LMOD2: variants seen among roughly 807,000 people sequenced by gnomAD.
The protein encoded by LMOD2 is leiomodin 2, also known as leiomodin-2.
A neutral mutation model predicts 41.7 loss-of-function variants in LMOD2; 27 were observed. The ratio of observed to expected loss-of-function variants is 0.65; its 90% CI spans 0.48 to 0.89. The LOEUF is 0.89. LMOD2 is among the 40% of genes least tolerant of loss of function. The pLI is 0.00. For synonymous variants in LMOD2, 251 were observed against 244.6 expected, an observed-to-expected ratio of 1.03 and a Z score of -0.25; for missense variants, 624 against 667.9, an observed-to-expected ratio of 0.93 and a Z score of 0.72.
At chr7:123,659,287 G>T (rs191085587) in intron 1 of LMOD2, among the ~76,000 whole-genome samples, 1 of 152,252 alleles carries the variant, frequency 6.6e-6, no homozygotes, top group Admixed American at 6.5e-5. Flanking sequence ...AAGAATCAGG[G>T]TTAATGCCAA....
intron 1 of LMOD2, among the ~76,000 whole-genome samples, chr7:123,659,365 C>G (rs1051779970): frequency 6.6e-6 from 1 of 152,118 alleles, no homozygotes; most frequent in African/African-American, 2.4e-5. Flanking sequence ...ATAAAGTAAG[C>G]GAAGTCTGTT....
chr7:123,656,662 C>T (rs761619902), intron 1 of LMOD2, among the ~76,000 whole-genome samples: 12 of 152,040 alleles, frequency 7.9e-5, no homozygotes, highest in Non-Finnish European at 1.2e-4. Context: ...AAAGTGGGAA[C>T]GCTGGTTGCT....
At position 123,661,982 on chromosome 7, in the gene LMOD2, A is replaced by G. The variant is rs374070376; in HGVS notation, c.396A>G (p.Glu132=). Residue 132 remains glutamate, a synonymous_variant, in exon 2 of 3, where the codon GAA becomes GAG. Transcript: ENST00000458573. The part of the protein sequence containing the change: ...EEESQEEEEE[E]DSDEEERTIE... ...AGTCCCAGGAGGAAGAGGAGGAAGA[A>G]GACAGTGACGAAGAGGAAAGAACAA... The G allele has an allele frequency of 6.4e-7, 1 of 1,560,370 alleles. No individual in the cohort carries two copies. The highest frequency in any genetic ancestry group is 1.2e-5 in the South Asian group (1 of 84,652).
In LMOD2 at chr7:123,662,700, G is replaced by A. The variant is rs1355527032; in HGVS notation, c.1114G>A (p.Gly372Arg). 6.2e-7 allele frequency: 1 copy of A among 1,613,862 alleles called. No homozygotes were observed. ...AAAACAGCAGGAGGGATACGATGGA[G>A]GACCCAATCTTAGGACCAAAGTCTG... Reference protein sequence around the residue: ...EQKQQEGYDGGPNLRTKVWQR... With the variant: ...EQKQQEGYDGRPNLRTKVWQR... The change falls in exon 2 of 3, where the codon GGA becomes AGA. Residue 372 changes from glycine (G) to arginine (R), a missense_variant. Coordinates refer to ENST00000458573, the MANE Select transcript of LMOD2 (RefSeq NM_207163.3). The surrounding 1 kb of genome is among the most constrained non-coding windows in gnomAD (Gnocchi z 4.0).
At chr7:123,657,811 C>CAAAAAAAAA (rs1009900124) in intron 1 of LMOD2, among the ~76,000 whole-genome samples, 5 of 36,004 alleles carry the variant, frequency 1.4e-4, no homozygotes, top group African/African-American at 6.3e-4. Context: ...CTCATCTCTA[C>CAAAAAAAAA]AAAAAAAAAA....
intron 2 of LMOD2, 85 bp from the exon 3 acceptor site, chr7:123,663,634 G>A: frequency 5.2e-6 from 6 of 1,144,522 alleles, no homozygotes; most frequent in Non-Finnish European, 7.7e-6. Context: ...TCTTCTCAGA[G>A]GATACTGCTA....
intron 1 of LMOD2, among the ~76,000 whole-genome samples, chr7:123,660,576 C>T (rs1160784636): frequency 3.8e-5 from 5 of 131,678 alleles, no homozygotes; most frequent in South Asian, 6.4e-4. Context: ...AGGCAGCGGG[C>T]GCCCTCGAGG....
chr7:123,659,694 C>T (rs893003766), intron 1 of LMOD2, among the ~76,000 whole-genome samples: 15 of 152,186 alleles, frequency 9.9e-5, no homozygotes, highest in Non-Finnish European at 1.2e-4. Flanking sequence ...CTGCTCTCAA[C>T]AGCTAACAGT....
Position 123,663,212 on chromosome 7 carries a change from C to T in LMOD2, c.1617+9C>T, listed in dbSNP as rs200393167. On this transcript the variant is annotated intron_variant, in intron 2 of 2. Coordinates refer to ENST00000458573, the MANE Select transcript of LMOD2 (RefSeq NM_207163.3). ...TAAAACAGCTAAAGCGGGTAAGTAA[C>T]CAGAGAACAGACATAGGGGCACAGA... The T allele has an allele frequency of 3.4e-5, 53 of 1,558,436 alleles. No homozygotes were observed. The African/African-American group carries it at 6.7e-4, about 20-fold the overall frequency.
chr7:123,656,248 G>C lies in LMOD2; in HGVS notation c.273+12G>C. 6.3e-7 allele frequency: 1 copy of C among 1,594,858 alleles called. No homozygotes were observed. On this transcript the variant is annotated intron_variant, in intron 1 of 2. Coordinates refer to ENST00000458573, the MANE Select transcript of LMOD2 (RefSeq NM_207163.3). Reference sequence around the variant, plus strand: ...GGGAATGTGGAAAGGTAGGCTCTCGGGACTTTTCCTTGGCTAACCCCACCT... The same window carrying C: ...GGGAATGTGGAAAGGTAGGCTCTCGCGACTTTTCCTTGGCTAACCCCACCT...
Position 123,656,092 on chromosome 7 carries a change from C to T in LMOD2, c.129C>T (p.Asp43=). 1 of 1,611,710 alleles carries T rather than the reference C, an allele frequency of 6.2e-7. No homozygotes were observed. Among genetic ancestry groups the T allele is most frequent in the Non-Finnish European group, 8.5e-7 (1 of 1,178,970 alleles). ...LERELEDIEP[D]RNLPVGLRQK... is the part of the protein sequence containing the mutation. Reference sequence around the variant, plus strand: ...GAGAGTTGGAAGACATTGAACCTGACCGCAACCTTCCCGTGGGGCTAAGGC... The same window carrying T: ...GAGAGTTGGAAGACATTGAACCTGATCGCAACCTTCCCGTGGGGCTAAGGC... The change falls in exon 1 of 3, where the codon GAC becomes GAT. Residue 43 remains aspartate, a synonymous_variant. Coordinates refer to ENST00000458573, the MANE Select transcript of LMOD2 (RefSeq NM_207163.3).
Position 123,663,740 on chromosome 7 carries a change from C to T in LMOD2, c.1639C>T (p.Arg547Ter), listed in dbSNP as rs375457267. 9.5e-6 allele frequency: 15 copies of T among 1,577,830 alleles called. No homozygotes were observed. Among genetic ancestry groups the T allele is most frequent in the African/African-American group, 4.0e-5 (3 of 74,462 alleles). Reference sequence around the variant, plus strand: ...GTAGGTGGAAGTTCCAGAAGCCCTGCGATAAAAACATGATCTTTAGAAGAG... The same window carrying T: ...GTAGGTGGAAGTTCCAGAAGCCCTGTGATAAAAACATGATCTTTAGAAGAG... ...LKRVEVPEAL[R>*] The change falls in exon 3 of 3, where the codon CGA becomes TGA. Residue 547 changes from arginine (R) to a stop codon, truncating the protein, a stop_gained. Transcript: ENST00000458573. LOFTEE classifies it high-confidence loss of function.
intron 2 of LMOD2, 131 bp from the exon 3 acceptor site, chr7:123,663,588 T>TAA: frequency 1.3e-6 from 1 of 746,922 alleles, no homozygotes. Context: ...TATAATGTGG[T>TAA]AAAAAAATTA....
rs1802882403 is a variant in LMOD2, at chr7:123,661,990, A to G, written c.404A>G (p.Asp135Gly). ...GAGGAAGAGGAGGAAGAAGACAGTG[A>G]CGAAGAGGAAAGAACAATTGAAACT... ...SQEEEEEEDS[D>G]EEERTIETAK... The change falls in exon 2 of 3, where the codon GAC becomes GGC. Residue 135 changes from aspartate (D) to glycine (G), a missense_variant. Asp to Gly is a moderately conservative substitution (Grantham distance 94). Transcript: ENST00000458573. 1.3e-6 allele frequency: 2 copies of G among 1,561,274 alleles called. No homozygotes were observed. Among genetic ancestry groups the G allele is most frequent in the African/African-American group, 2.7e-5 (2 of 73,690 alleles).
At position 123,662,424 on chromosome 7, in the gene LMOD2, A is replaced by C. The variant is rs756301084; in HGVS notation, c.838A>C (p.Ile280Leu). 1.9e-6 allele frequency: 3 copies of C among 1,613,990 alleles called. No homozygotes were observed. The highest frequency in any genetic ancestry group is 2.5e-6 in the Non-Finnish European group (3 of 1,179,892). ...CAACGTAAACGTCGAGTCCAACTTC[A>C]TAACGGGAAAGGGGATCCTGGCCAT... ...ITNVNVESNF[I>L]TGKGILAIMR... is the part of the protein sequence containing the mutation. Residue 280 changes from isoleucine (I) to leucine (L), a missense_variant, in exon 2 of 3, where the codon ATA becomes CTA. Physicochemically the swap from Ile to Leu is conservative, Grantham distance 5. Coordinates refer to ENST00000458573, the MANE Select transcript of LMOD2 (RefSeq NM_207163.3). The surrounding 1 kb of genome is among the most constrained non-coding windows in gnomAD (Gnocchi z 4.0).
At position 123,656,435 on chromosome 7, in the gene LMOD2, A is replaced by C. The variant is rs919126960; in HGVS notation, c.273+199A>C. ...CCACCCAATGGATCATAATATGTAA[A>C]ATTCTTAATTGGGGCTCTTTGATTG... On this transcript the variant is annotated intron_variant, in intron 1 of 2. Transcript: ENST00000458573. 3.3e-5 allele frequency among the ~76,000 whole-genome samples: 5 copies of C among 152,194 alleles called. No homozygotes were observed. The East Asian group carries it at 7.7e-4, about 23-fold the overall frequency.
intron 1 of LMOD2, among the ~76,000 whole-genome samples, chr7:123,659,407 AC>A (rs1244854841): frequency 6.6e-6 from 1 of 152,150 alleles, no homozygotes; most frequent in East Asian, 1.9e-4. Flanking sequence ...CTCTGTAGAC[AC>A]CTTTTCCCCT....
At chr7:123,657,599 A>AT (rs760146790) in intron 1 of LMOD2, among the ~76,000 whole-genome samples, 257 of 151,554 alleles carry the variant, frequency 1.7e-3, no homozygotes, top group Admixed American at 5.4e-3. Context: ...TTTAAGAGGG[A>AT]TTTTTTTTTC....
At chr7:123,660,146 T>A (rs1802849787) in intron 1 of LMOD2, among the ~76,000 whole-genome samples, 1 of 152,148 alleles carries the variant, frequency 6.6e-6, no homozygotes, top group South Asian at 2.1e-4. Flanking sequence ...CTCGGGTTAA[T>A]CCATTTGTTT....
Sources: allele counts gnomAD v4.1 joint callset (sites outside exome capture counted in the v4.1 genomes callset), GRCh38; gene constraint gnomAD v4.1.1; non-coding constraint Gnocchi (gnomAD v3.1); transcripts MANE v1.5; gene names NCBI Gene and HGNC (gene_info 2026-07-23, HGNC 2026-07-21).